The following CNTN5 variants were observed in gnomAD, a reference collection of about 807,000 sequenced individuals.
The protein encoded by CNTN5 is contactin-5.
Under a neutral mutation model 129.1 loss-of-function variants are expected in CNTN5, and 77 were observed. The ratio of observed to expected loss-of-function variants is 0.60; its 90% CI spans 0.50 to 0.72. CNTN5 has a LOEUF of 0.72. CNTN5 is among the 30% of genes least tolerant of loss of function. CNTN5 has a pLI of 0.00. For synonymous variants in CNTN5, 509 were observed against 465.6 expected (o/e 1.09, Z -1.20); for missense variants, 1,478 against 1,328.8 (o/e 1.11, Z -1.75).
At chr11:99,767,567 A>AT (rs1944796484) in intron 3 of CNTN5, among the ~76,000 whole-genome samples, 2 of 151,594 alleles carry the variant, frequency 1.3e-5, no homozygotes, top group South Asian at 4.1e-4. Flanking sequence ...TGCAAATAAG[A>AT]TTTTTTTGGA....
At chr11:99,923,536 A>C (rs997513611) in intron 7 of CNTN5, among the ~76,000 whole-genome samples, 2 of 152,204 alleles carry the variant, frequency 1.3e-5, no homozygotes, top group African/African-American at 4.8e-5. Context: ...TATTATGTAC[A>C]GAAATATTCA....
intron 2 of CNTN5, among the ~76,000 whole-genome samples, chr11:99,401,150 T>C (rs574343954): frequency 6.6e-6 from 1 of 152,270 alleles, no homozygotes; most frequent in East Asian, 1.9e-4. Context: ...CAAAAAATCT[T>C]TTCCAGACAG....
chr11:99,970,779 C>T (rs796451651), intron 8 of CNTN5, among the ~76,000 whole-genome samples: 1 of 151,958 alleles, frequency 6.6e-6, no homozygotes, highest in African/African-American at 2.4e-5. Context: ...ACGTAAACTC[C>T]CCTGTCAAGA....
intron 9 of CNTN5, among the ~76,000 whole-genome samples, chr11:100,027,019 TA>T (rs926752254): frequency 2.1e-4 from 31 of 150,492 alleles, no homozygotes; most frequent in South Asian, 1.3e-3. Flanking sequence ...GATTTGGATT[TA>T]AAAAAAAAAT....
At chr11:99,825,068 G>C (rs1011623030) in intron 4 of CNTN5, among the ~76,000 whole-genome samples, 1 of 151,918 alleles carries the variant, frequency 6.6e-6, no homozygotes, top group African/African-American at 2.4e-5. Context: ...CTCATATGGC[G>C]TTGTCTAATA....
At chr11:100,334,655 T>C (rs906902315) in intron 21 of CNTN5, among the ~76,000 whole-genome samples, 1 of 152,168 alleles carries the variant, frequency 6.6e-6, no homozygotes, top group African/African-American at 2.4e-5. Flanking sequence ...ATGGAGACTA[T>C]TATTCTAAGT....
intron 23 of CNTN5, among the ~76,000 whole-genome samples, chr11:100,346,888 G>T (rs541114155): frequency 1.3e-5 from 2 of 152,096 alleles, no homozygotes; most frequent in African/African-American, 4.8e-5. Context: ...TCACGATCAC[G>T]GCGGAAGGTG....
chr11:100,202,162 TAAAC>T (rs1411339716), intron 15 of CNTN5, among the ~76,000 whole-genome samples: 2 of 151,986 alleles, frequency 1.3e-5, no homozygotes, highest in South Asian at 2.1e-4. Flanking sequence ...TTCCCAAACT[TAAAC>T]AACTGTTGGA....
chr11:99,751,792 C>A (rs1401985742), intron 3 of CNTN5, among the ~76,000 whole-genome samples: 3 of 152,128 alleles, frequency 2.0e-5, no homozygotes, highest in Non-Finnish European at 4.4e-5. Context: ...GAAACATAAT[C>A]CCCAAGGAAA....
At chr11:100,178,406 T>C (rs907911460) in intron 13 of CNTN5, among the ~76,000 whole-genome samples, 2 of 152,184 alleles carry the variant, frequency 1.3e-5, no homozygotes, top group Non-Finnish European at 1.5e-5. Context: ...TCTTGTCCAC[T>C]TGTAACTGGA....
At chr11:99,113,312 A>T (rs1393166715) in intron 1 of CNTN5, among the ~76,000 whole-genome samples, 2 of 152,088 alleles carry the variant, frequency 1.3e-5, no homozygotes, top group Admixed American at 1.3e-4. Flanking sequence ...TATTTTCTAT[A>T]TTATAACTTC....
At chr11:99,736,720 A>C (rs1044475060) in intron 3 of CNTN5, among the ~76,000 whole-genome samples, 3 of 152,168 alleles carry the variant, frequency 2.0e-5, no homozygotes, top group Non-Finnish European at 4.4e-5. Flanking sequence ...ATTTATACCA[A>C]AAATTTTAAA....
chr11:99,574,359 A>G (rs1949277542), intron 3 of CNTN5, among the ~76,000 whole-genome samples: 1 of 152,200 alleles, frequency 6.6e-6, no homozygotes, highest in African/African-American at 2.4e-5. Context: ...ATAGTGCTGC[A>G]ATAAACATAT....
chr11:99,384,949 T>A (rs1227688541), intron 2 of CNTN5, among the ~76,000 whole-genome samples: 1 of 152,128 alleles, frequency 6.6e-6, no homozygotes, highest in Non-Finnish European at 1.5e-5. Flanking sequence ...GTTTGCCTTT[T>A]AAAAAATACT....
intron 8 of CNTN5, among the ~76,000 whole-genome samples, chr11:99,961,999 T>TAC (rs749553284): frequency 6.6e-6 from 1 of 152,092 alleles, no homozygotes; most frequent in Non-Finnish European, 1.5e-5. Flanking sequence ...TATATACATA[T>TAC]ACACACACAC....
Position 99,542,636 on chromosome 11 carries a change from T to A in CNTN5, c.-70-13509T>A, listed in dbSNP as rs557638495. Reference sequence around the variant, plus strand: ...CATACCAGTGACAACAACAAAAAAATCTCCAAATATTGCTAAATGTTCCCT... The same window carrying A: ...CATACCAGTGACAACAACAAAAAAAACTCCAAATATTGCTAAATGTTCCCT... On this transcript the variant is annotated intron_variant, in intron 2 of 24. Transcript: ENST00000524871. Among the ~76,000 whole-genome samples, 10 of 152,236 alleles carry A rather than the reference T, an allele frequency of 6.6e-5. 1 individual carries two copies. Among genetic ancestry groups the A allele is most frequent in the African/African-American group, 2.2e-4 (9 of 41,536 alleles).
chr11:99,889,206 G>C (rs1948980790), intron 6 of CNTN5, among the ~76,000 whole-genome samples: 1 of 151,854 alleles, frequency 6.6e-6, no homozygotes, highest in Non-Finnish European at 1.5e-5. Context: ...GTCATAACCT[G>C]CATATATTAC....
chr11:100,335,213 T>C (rs1208374464), intron 21 of CNTN5, among the ~76,000 whole-genome samples: 1 of 152,008 alleles, frequency 6.6e-6, no homozygotes, highest in Non-Finnish European at 1.5e-5. Context: ...AGACAAAATA[T>C]TAGGAAGAAC....
intron 2 of CNTN5, among the ~76,000 whole-genome samples, chr11:99,379,188 T>TG: frequency 6.6e-6 from 1 of 150,534 alleles, no homozygotes; most frequent in East Asian, 1.9e-4. Context: ...TTCTTTTTTT[T>TG]TTTTTACTGT....
Sources: allele counts gnomAD v4.1 joint callset (sites outside exome capture counted in the v4.1 genomes callset), GRCh38; gene constraint gnomAD v4.1.1; transcripts MANE v1.5; gene names NCBI Gene and HGNC (gene_info 2026-07-23, HGNC 2026-07-21).